The following MAN2A1 variants were observed in gnomAD, a reference collection of about 807,000 sequenced individuals.
MAN2A1 encodes the protein mannosidase alpha class 2A member 1.
A neutral mutation model predicts 142.6 loss-of-function variants in MAN2A1; 76 were observed. That is an observed-to-expected ratio of 0.53 (90% CI 0.44 to 0.65). The LOEUF (loss-of-function observed/expected upper bound fraction) is 0.65. MAN2A1 is among the 30% of genes least tolerant of loss of function. MAN2A1 has a pLI of 0.00. For synonymous variants in MAN2A1, 559 were observed against 473.2 expected, an observed-to-expected ratio of 1.18 and a Z score of -2.35; for missense variants, 1,311 against 1,365.1, an observed-to-expected ratio of 0.96 and a Z score of 0.62.
intron 4 of MAN2A1, among the ~76,000 whole-genome samples, chr5:109,733,758 G>T (rs1003653031): frequency 2.4e-4 from 37 of 152,230 alleles, no homozygotes; most frequent in African/African-American, 8.2e-4. Context: ...GCTTGATTCG[G>T]TTTGCCAGTA....
chr5:109,762,740 C>T (rs768334385), intron 5 of MAN2A1, among the ~76,000 whole-genome samples: 3 of 152,196 alleles, frequency 2.0e-5, no homozygotes, highest in Admixed American at 6.5e-5. Context: ...CACTACTTCA[C>T]TCTTTCCTCC....
At chr5:109,858,061 A>G (rs1234945668) in intron 20 of MAN2A1, among the ~76,000 whole-genome samples, 1 of 152,242 alleles carries the variant, frequency 6.6e-6, no homozygotes, top group Non-Finnish European at 1.5e-5. Flanking sequence ...GTTGCAGATT[A>G]GGGTTTTAGC....
chr5:109,692,422 A>G (rs191754477), intron 1 of MAN2A1, among the ~76,000 whole-genome samples: 1 of 152,230 alleles, frequency 6.6e-6, no homozygotes, highest in African/African-American at 2.4e-5. Flanking sequence ...AAGTGCTTGG[A>G]CGGCCACTGA....
chr5:109,830,743 A>G (rs1326680576), intron 16 of MAN2A1, among the ~76,000 whole-genome samples: 2 of 152,226 alleles, frequency 1.3e-5, no homozygotes, highest in African/African-American at 4.8e-5. Flanking sequence ...CATAATATGC[A>G]ATTGACTGCT....
At chr5:109,749,703 G>A (rs1302312686) in intron 4 of MAN2A1, among the ~76,000 whole-genome samples, 1 of 151,686 alleles carries the variant, frequency 6.6e-6, no homozygotes, top group African/African-American at 2.4e-5. Context: ...TAGACCCTGT[G>A]GTGTGGGCAC....
chr5:109,847,914 G>A, intron 19 of MAN2A1, 124 bp downstream of exon 19: 1 of 589,290 alleles, frequency 1.7e-6, no homozygotes, highest in Admixed American at 4.1e-5. Flanking sequence ...CTTTATAGTA[G>A]ATGTGGCCCA....
In MAN2A1 at chr5:109,690,111, C is replaced by A; in HGVS notation, c.-307C>A. On this transcript the variant is annotated 5_prime_UTR_variant, in exon 1 of 22. The change creates a new upstream start codon in the 5' untranslated region. Coordinates refer to ENST00000261483, the MANE Select transcript of MAN2A1 (RefSeq NM_002372.4). ...CTCTCCTCCGCCTGCCCCGCGCGCC[C>A]TGCCGGAGGTCGGCGCTGAGCTTGC... The A allele has an allele frequency of 3.2e-6, 1 of 311,016 alleles. No homozygotes were observed. Among genetic ancestry groups the A allele is most frequent in the South Asian group, 4.0e-5 (1 of 25,052 alleles). The allele number at this position is 311,016 out of a possible 1,614,324, so 19.3% of individuals were successfully genotyped here.
intron 12 of MAN2A1, among the ~76,000 whole-genome samples, chr5:109,800,134 C>T (rs1753980488): frequency 6.6e-6 from 1 of 151,630 alleles, no homozygotes. Context: ...TCTAGATGCA[C>T]CCGAATGTGC....
intron 16 of MAN2A1, among the ~76,000 whole-genome samples, chr5:109,829,095 A>G (rs1046556743): frequency 2.0e-5 from 3 of 152,224 alleles, no homozygotes; most frequent in Non-Finnish European, 4.4e-5. Flanking sequence ...CATCAAGTTC[A>G]TGACGCTTTT....
At chr5:109,786,262 C>T (rs1477493584) in intron 10 of MAN2A1, among the ~76,000 whole-genome samples, 4 of 151,972 alleles carry the variant, frequency 2.6e-5, no homozygotes, top group African/African-American at 9.7e-5. Flanking sequence ...TTCCTTCTTA[C>T]CTGCTCCTGG....
chr5:109,773,732 A>T (rs1753211455), intron 7 of MAN2A1, among the ~76,000 whole-genome samples: 1 of 152,182 alleles, frequency 6.6e-6, no homozygotes, highest in Non-Finnish European at 1.5e-5. Context: ...ACCATATGAG[A>T]TTTAAATTTA....
intron 3 of MAN2A1, among the ~76,000 whole-genome samples, chr5:109,726,519 G>A (rs1486849087): frequency 6.6e-6 from 1 of 152,236 alleles, no homozygotes; most frequent in Admixed American, 6.5e-5. Flanking sequence ...CTCTGAGCTT[G>A]TATTTTGGCT....
intron 12 of MAN2A1, among the ~76,000 whole-genome samples, chr5:109,790,495 A>G (rs780871187): frequency 3.3e-5 from 5 of 151,930 alleles, no homozygotes; most frequent in Non-Finnish European, 7.4e-5. Flanking sequence ...TAGTAATACT[A>G]ATGTTCTCTG....
At chr5:109,789,697 C>T (rs1753688808) in intron 12 of MAN2A1, among the ~76,000 whole-genome samples, 170 bp downstream of exon 12, 1 of 151,702 alleles carries the variant, frequency 6.6e-6, no homozygotes, top group South Asian at 2.1e-4. Flanking sequence ...GTGCCAATAG[C>T]TAACACAGTG....
chr5:109,738,367 A>G (rs1028631816), intron 4 of MAN2A1, among the ~76,000 whole-genome samples: 1 of 151,466 alleles, frequency 6.6e-6, no homozygotes, highest in Non-Finnish European at 1.5e-5. Flanking sequence ...CTAGACTAAG[A>G]TTTATTTTTC....
chr5:109,719,454 A>G (rs1294483845), intron 3 of MAN2A1, among the ~76,000 whole-genome samples: 1 of 152,348 alleles, frequency 6.6e-6, no homozygotes, highest in East Asian at 1.9e-4. Flanking sequence ...CTTTTTTAAT[A>G]GAGGAAAAAG....
At chr5:109,791,069 A>G (rs147103231) in intron 12 of MAN2A1, among the ~76,000 whole-genome samples, 1 of 152,120 alleles carries the variant, frequency 6.6e-6, no homozygotes, top group Non-Finnish European at 1.5e-5. Flanking sequence ...ACAGGTAAAC[A>G]TAAATGGAAT....
At chr5:109,700,696 T>G (rs1261958831) in intron 1 of MAN2A1, among the ~76,000 whole-genome samples, 1 of 152,058 alleles carries the variant, frequency 6.6e-6, no homozygotes, top group Non-Finnish European at 1.5e-5. Flanking sequence ...TCCTTCCAGG[T>G]CAGGTAATTT....
intron 7 of MAN2A1, among the ~76,000 whole-genome samples, chr5:109,773,518 A>G (rs910491052): frequency 3.2e-4 from 48 of 151,594 alleles, no homozygotes; most frequent in African/African-American, 8.7e-4. Flanking sequence ...TGTGTTTTTT[A>G]TCGTAAGTAA....
Sources: allele counts gnomAD v4.1 joint callset (sites outside exome capture counted in the v4.1 genomes callset), GRCh38; gene constraint gnomAD v4.1.1; transcripts MANE v1.5; gene names NCBI Gene and HGNC (gene_info 2026-07-23, HGNC 2026-07-21).